PTPRJ: variants seen among roughly 807,000 people sequenced by gnomAD.
PTPRJ encodes the protein receptor-type tyrosine-protein phosphatase eta.
Under a neutral mutation model 141.3 loss-of-function variants are expected in PTPRJ, and 129 were observed. The observed-to-expected ratio is 0.91, with a 90% CI of 0.79 to 1.06. PTPRJ has a LOEUF of 1.06. Ranked by LOEUF, PTPRJ falls within the 50% of genes least tolerant of loss-of-function variation. The pLI is 0.00. For missense variants in PTPRJ, 1,601 were observed against 1,679.7 expected, an observed-to-expected ratio of 0.95 and a Z score of 0.82; for synonymous variants, 610 against 640.5, an observed-to-expected ratio of 0.95 and a Z score of 0.72.
At chr11:48,128,580 C>T (rs1294240623) in intron 7 of PTPRJ, among the ~76,000 whole-genome samples, 1 of 152,136 alleles carries the variant, frequency 6.6e-6, no homozygotes, top group African/African-American at 2.4e-5. Context: ...AGTAATGGTG[C>T]ACTAGTAGTA....
intron 2 of PTPRJ, 46 bp downstream of exon 2, chr11:48,110,122 C>G: frequency 1.3e-6 from 2 of 1,574,942 alleles, no homozygotes; most frequent in South Asian, 2.2e-5. Flanking sequence ...CGCTACTGCC[C>G]CCTAATGGAC....
intron 1 of PTPRJ, among the ~76,000 whole-genome samples, chr11:48,070,866 A>G (rs1855228367): frequency 6.6e-6 from 1 of 152,242 alleles, no homozygotes; most frequent in African/African-American, 2.4e-5. Context: ...TTTATCAACA[A>G]CAGCAAATAT....
At chr11:48,072,382 C>T (rs1855285415) in intron 1 of PTPRJ, among the ~76,000 whole-genome samples, 1 of 152,172 alleles carries the variant, frequency 6.6e-6, no homozygotes, top group Admixed American at 6.5e-5. Flanking sequence ...GCACCAACCC[C>T]ACCCATGAGG....
chr11:47,998,662 C>A (rs977433692), intron 1 of PTPRJ, among the ~76,000 whole-genome samples: 2 of 152,150 alleles, frequency 1.3e-5, no homozygotes, highest in African/African-American at 4.8e-5. Flanking sequence ...GTATGCAGTG[C>A]CCCCGGCAAG....
chr11:47,994,999 A>G (rs1854296488), intron 1 of PTPRJ, among the ~76,000 whole-genome samples: 1 of 152,174 alleles, frequency 6.6e-6, no homozygotes, highest in Non-Finnish European at 1.5e-5. Context: ...TATATTGCAA[A>G]CGTTTCCCCC....
chr11:48,159,891 T>G, intron 21 of PTPRJ, 39 bp from the exon 22 acceptor site: 5 of 1,610,866 alleles, frequency 3.1e-6, no homozygotes, highest in Non-Finnish European at 4.2e-6. Context: ...GCAGATGGCA[T>G]GATCTGAGTC....
At chr11:48,065,242 G>T (rs372934705) in intron 1 of PTPRJ, among the ~76,000 whole-genome samples, 3 of 151,916 alleles carry the variant, frequency 2.0e-5, no homozygotes, top group Non-Finnish European at 4.4e-5. Context: ...TCGAACTCCC[G>T]ACCTCAGGTG....
chr11:48,075,905 T>G (rs1449541248), intron 1 of PTPRJ, among the ~76,000 whole-genome samples: 2 of 152,190 alleles, frequency 1.3e-5, no homozygotes, highest in African/African-American at 4.8e-5. Flanking sequence ...CGTTGTTTTC[T>G]CTCCTGGAAC....
intron 1 of PTPRJ, among the ~76,000 whole-genome samples, chr11:48,046,754 T>G (rs1854408324): frequency 6.6e-6 from 1 of 151,770 alleles, no homozygotes; most frequent in African/African-American, 2.4e-5. Context: ...ATTATTACAG[T>G]TTACTTGTGT....
At chr11:48,027,599 C>T (rs902053235) in intron 1 of PTPRJ, among the ~76,000 whole-genome samples, 10 of 151,422 alleles carry the variant, frequency 6.6e-5, no homozygotes, top group Admixed American at 2.0e-4. Context: ...GAGACCAGCC[C>T]GGCCAGTGTG....
chr11:47,981,656 G>T (rs1853912059), intron 1 of PTPRJ, among the ~76,000 whole-genome samples: 2 of 152,188 alleles, frequency 1.3e-5, no homozygotes, highest in Admixed American at 1.3e-4. Context: ...TGCTTTGTGG[G>T]CGCTGGCTCC....
intron 1 of PTPRJ, among the ~76,000 whole-genome samples, chr11:47,994,805 T>A (rs1590389382): frequency 6.6e-6 from 1 of 152,356 alleles, no homozygotes; most frequent in East Asian, 1.9e-4. Flanking sequence ...TATTTTGTAA[T>A]GTTTTTTGAA....
intron 1 of PTPRJ, among the ~76,000 whole-genome samples, chr11:48,063,386 G>A (rs1590456688): frequency 6.6e-6 from 1 of 152,178 alleles, no homozygotes; most frequent in Admixed American, 6.6e-5. Context: ...CTTTGGAGAG[G>A]TTATCTCCTG....
intron 1 of PTPRJ, among the ~76,000 whole-genome samples, chr11:47,992,604 T>C (rs1038332091): frequency 5.3e-5 from 8 of 152,234 alleles, no homozygotes; most frequent in African/African-American, 1.4e-4. Context: ...TGAATATTAG[T>C]ATTTATATAT....
At chr11:48,013,103 CAAAAAAAAAAA>C (rs5791798) in intron 1 of PTPRJ, among the ~76,000 whole-genome samples, 2 of 90,110 alleles carry the variant, frequency 2.2e-5, no homozygotes, top group African/African-American at 8.2e-5. Flanking sequence ...GACTCTGTGT[CAAAAAAAAAAA>C]AAAAAAAAAG....
At chr11:48,149,056 C>T (rs1193511786) in intron 15 of PTPRJ, among the ~76,000 whole-genome samples, 2 of 152,152 alleles carry the variant, frequency 1.3e-5, no homozygotes, top group Non-Finnish European at 2.9e-5. Flanking sequence ...TTGCCAGTTC[C>T]GGATCTGATA....
chr11:48,118,794 A>G (rs1346918662), intron 3 of PTPRJ, among the ~76,000 whole-genome samples: 1 of 152,190 alleles, frequency 6.6e-6, no homozygotes, highest in Non-Finnish European at 1.5e-5. Flanking sequence ...TTGCTTTTCC[A>G]AAACCTTCCC....
At chr11:48,146,469 T>C (rs1857352363) in intron 14 of PTPRJ, among the ~76,000 whole-genome samples, 1 of 152,162 alleles carries the variant, frequency 6.6e-6, no homozygotes, top group Non-Finnish European at 1.5e-5. Flanking sequence ...ACAAATGGGT[T>C]TCCTGTCACC....
chr11:48,058,065 C>T (rs1255452078), intron 1 of PTPRJ, among the ~76,000 whole-genome samples: 1 of 152,100 alleles, frequency 6.6e-6, no homozygotes, highest in African/African-American at 2.4e-5. Flanking sequence ...GCATGTGCCA[C>T]CATGCCTGGC....
Sources: allele counts gnomAD v4.1 joint callset (sites outside exome capture counted in the v4.1 genomes callset), GRCh38; gene constraint gnomAD v4.1.1; transcripts MANE v1.5; gene names NCBI Gene and HGNC (gene_info 2026-07-23, HGNC 2026-07-21).